SLC15A1: variants seen among roughly 807,000 people sequenced by gnomAD.
The protein encoded by SLC15A1 is solute carrier family 15 member 1.
A neutral mutation model predicts 92.9 loss-of-function variants in SLC15A1; 83 were observed. That is an observed-to-expected ratio of 0.89 (90% CI 0.75 to 1.07). The LOEUF is 1.07. Ranked by LOEUF, SLC15A1 falls within the 50% of genes least tolerant of loss-of-function variation. The pLI is 0.00. For synonymous variants in SLC15A1, 322 were observed against 318.2 expected (o/e 1.01, Z -0.13); for missense variants, 857 against 880.1 (o/e 0.97, Z 0.33).
intron 18 of SLC15A1, among the ~76,000 whole-genome samples, chr13:98,702,187 G>A (rs1020698323): frequency 1.1e-4 from 16 of 152,162 alleles, no homozygotes; most frequent in Non-Finnish European, 1.6e-4. Flanking sequence ...TCAGGGTAAG[G>A]AAGTTCCCTT....
At chr13:98,724,150 A>G (rs944120707) in intron 4 of SLC15A1, 119 bp from the exon 5 acceptor site, 2 of 1,269,976 alleles carry the variant, frequency 1.6e-6, no homozygotes, top group Non-Finnish European at 2.2e-6. Context: ...GAATACACTT[A>G]TTTCTCAAAC....
At chr13:98,746,199 T>C (rs1286819513) in intron 1 of SLC15A1, among the ~76,000 whole-genome samples, 3 of 152,216 alleles carry the variant, frequency 2.0e-5, no homozygotes, top group Non-Finnish European at 4.4e-5. Flanking sequence ...ATAAAGGACA[T>C]GATCTTGTTG....
intron 11 of SLC15A1, 126 bp from the exon 12 acceptor site, chr13:98,710,037 A>G: frequency 1.1e-6 from 1 of 883,268 alleles, no homozygotes; most frequent in Non-Finnish European, 1.8e-6. Context: ...AAGTTGTTTT[A>G]AACATCAAGT....
intron 21 of SLC15A1, 67 bp from the exon 22 acceptor site, chr13:98,686,364 C>T: frequency 9.3e-7 from 1 of 1,080,924 alleles, no homozygotes; most frequent in Non-Finnish European, 1.4e-6. Context: ...ACACAGCTCA[C>T]CGATGGGCGT....
At chr13:98,699,580 C>T (rs1362660437) in intron 18 of SLC15A1, among the ~76,000 whole-genome samples, 1 of 152,172 alleles carries the variant, frequency 6.6e-6, no homozygotes, top group Non-Finnish European at 1.5e-5. Flanking sequence ...TATAAACATT[C>T]ATGTGTGGGC....
intron 4 of SLC15A1, 51 bp downstream of exon 4, chr13:98,726,072 C>G (rs1242257602): frequency 6.2e-7 from 1 of 1,603,848 alleles, no homozygotes; most frequent in Non-Finnish European, 8.5e-7. Context: ...ACTACAAAAC[C>G]TACATTTACT....
intron 5 of SLC15A1, 95 bp downstream of exon 5, chr13:98,723,817 C>A (rs2088277792): frequency 6.4e-7 from 1 of 1,554,182 alleles, no homozygotes; most frequent in Non-Finnish European, 8.7e-7. Context: ...CCTCCTTATG[C>A]TCTCAGTGAA....
intron 15 of SLC15A1, among the ~76,000 whole-genome samples, chr13:98,706,609 T>A (rs965607569): frequency 6.6e-6 from 1 of 152,236 alleles, no homozygotes; most frequent in African/African-American, 2.4e-5. Context: ...CAAGATCAGA[T>A]GGTTTTATAA....
rs1307641403 is a variant in SLC15A1 at position 98,706,245 on chromosome 13, A to C, written c.1158T>G (p.Leu386=). 3.7e-6 allele frequency: 6 copies of C among 1,612,230 alleles called. No individual in the cohort carries two copies. Among genetic ancestry groups the C allele is most frequent in the Non-Finnish European group, 5.1e-6 (6 of 1,179,466 alleles). ...CTTCGTTTCCTTTGGGGAAGACTGG[A>C]AGAGTTTTCTGAGCAAAATAAAAGA... ...AIVQVEIDKT[L]PVFPKGNEVQ... The change falls in exon 16 of 23, where the codon CTT becomes CTG. Residue 386 remains leucine (L), a synonymous_variant. Coordinates refer to ENST00000376503, the MANE Select transcript of SLC15A1 (RefSeq NM_005073.4).
chr13:98,706,186 G>T lies in SLC15A1; in HGVS notation c.1217C>A (p.Thr406Asn). ...QIKVLNIGNNTMNISLPGEMV... is the reference protein window; with the variant it reads ...QIKVLNIGNNNMNISLPGEMV... Reference sequence around the variant, plus strand: ...CTCTCCAGGAAGAGATATATTCATGGTATTGTTTCCTATATTCAAAACTTT... The same window carrying T: ...CTCTCCAGGAAGAGATATATTCATGTTATTGTTTCCTATATTCAAAACTTT... Residue 406 changes from threonine (T) to asparagine (N), a missense_variant, in exon 16 of 23, where the codon ACC becomes AAC. Physicochemically the swap from Thr to Asn is moderately conservative, Grantham distance 65 (BLOSUM62 0). Coordinates refer to ENST00000376503, the MANE Select transcript of SLC15A1 (RefSeq NM_005073.4). 1 of 1,613,546 alleles carries T rather than the reference G, an allele frequency of 6.2e-7. No individual in the cohort carries two copies.
intron 1 of SLC15A1, among the ~76,000 whole-genome samples, chr13:98,751,346 C>T (rs146279517): frequency 2.6e-5 from 4 of 152,312 alleles, no homozygotes; most frequent in African/African-American, 7.2e-5. Context: ...CCTCTAACAG[C>T]TCTCGGGATT....
intron 5 of SLC15A1, 73 bp from the exon 6 acceptor site, chr13:98,721,976 C>T (rs1170921448): frequency 1.6e-6 from 2 of 1,265,360 alleles, no homozygotes; most frequent in Non-Finnish European, 2.2e-6. Flanking sequence ...TCCCCAGTTT[C>T]CCTCAGTGGG....
chr13:98,705,799 G>C (rs142120082), intron 16 of SLC15A1, among the ~76,000 whole-genome samples: 4 of 151,818 alleles, frequency 2.6e-5, no homozygotes, highest in Non-Finnish European at 4.4e-5. Context: ...GGCTAAGGCA[G>C]AAGAAATGCT....
At chr13:98,709,098 G>T (rs2139579758) in intron 14 of SLC15A1, among the ~76,000 whole-genome samples, 1 of 151,666 alleles carries the variant, frequency 6.6e-6, no homozygotes, top group African/African-American at 2.4e-5. Context: ...CTCCAGAGTA[G>T]CTGGGATTAC....
intron 1 of SLC15A1, among the ~76,000 whole-genome samples, chr13:98,739,254 TG>T (rs1158830764): frequency 2.0e-5 from 3 of 152,230 alleles, no homozygotes. Flanking sequence ...ACTTTGGACT[TG>T]GACTTCTGCA....
At chr13:98,690,370 T>C (rs1012006981) in intron 18 of SLC15A1, among the ~76,000 whole-genome samples, 1 of 152,156 alleles carries the variant, frequency 6.6e-6, no homozygotes, top group Non-Finnish European at 1.5e-5. Flanking sequence ...CTGAGACAGA[T>C]CCACACGGGC....
intron 1 of SLC15A1, among the ~76,000 whole-genome samples, chr13:98,734,490 G>A (rs2088374668): frequency 6.6e-6 from 1 of 152,126 alleles, no homozygotes; most frequent in Non-Finnish European, 1.5e-5. Flanking sequence ...CGCCTTACCT[G>A]GTAAGCACAA....
At chr13:98,743,467 T>C (rs2088465531) in intron 1 of SLC15A1, among the ~76,000 whole-genome samples, 1 of 152,162 alleles carries the variant, frequency 6.6e-6, no homozygotes, top group Non-Finnish European at 1.5e-5. Context: ...GAAGAAATGA[T>C]CTCTCTGGGA....
intron 18 of SLC15A1, among the ~76,000 whole-genome samples, chr13:98,692,429 G>A (rs750424070): frequency 2.0e-5 from 3 of 152,042 alleles, no homozygotes; most frequent in Non-Finnish European, 4.4e-5. Flanking sequence ...AAAGTGCTGG[G>A]ATTACAGCCA....
Sources: allele counts gnomAD v4.1 joint callset (sites outside exome capture counted in the v4.1 genomes callset), GRCh38; gene constraint gnomAD v4.1.1; transcripts MANE v1.5; gene names NCBI Gene and HGNC (gene_info 2026-07-23, HGNC 2026-07-21).